The following PALB2 variants were observed in gnomAD, a reference collection of about 807,000 sequenced individuals.
The protein encoded by PALB2 is partner and localizer of BRCA2.
In PALB2, 82 loss-of-function variants were observed where a neutral mutation model predicts 107.4. The ratio of observed to expected loss-of-function variants is 0.76; its 90% CI spans 0.64 to 0.92. The LOEUF is 0.92. PALB2 is among the 40% of genes least tolerant of loss of function. The pLI is 0.00. For missense variants in PALB2, 1,374 were observed against 1,379.9 expected (o/e 1.00, Z 0.07); for synonymous variants, 489 against 496.8 (o/e 0.98, Z 0.21).
chr16:23,633,177 G>A (rs1296197949), intron 4 of PALB2, among the ~76,000 whole-genome samples: 1 of 152,114 alleles, frequency 6.6e-6, no homozygotes, highest in African/African-American at 2.4e-5. Flanking sequence ...TTGTATCCTT[G>A]TTCGCTTAAA....
intron 11 of PALB2, among the ~76,000 whole-genome samples, chr16:23,609,269 T>C (rs1450955626): frequency 6.6e-6 from 1 of 152,106 alleles, no homozygotes; most frequent in Non-Finnish European, 1.5e-5. Flanking sequence ...AAAATTAAAT[T>C]AAAATTTAGC....
chr16:23,625,345 A>G (rs1966840335), intron 7 of PALB2, among the ~76,000 whole-genome samples: 1 of 151,842 alleles, frequency 6.6e-6, no homozygotes, highest in South Asian at 2.1e-4. Context: ...AAAACAAACA[A>G]ACAAACAAAA....
At chr16:23,613,636 C>T (rs1244714834) in intron 11 of PALB2, among the ~76,000 whole-genome samples, 1 of 150,716 alleles carries the variant, frequency 6.6e-6, no homozygotes, top group African/African-American at 2.4e-5. Context: ...AAGAGCAAAA[C>T]TCCATCCCAA....
chr16:23,611,885 C>T (rs530303214), intron 11 of PALB2, among the ~76,000 whole-genome samples: 3 of 152,334 alleles, frequency 2.0e-5, no homozygotes, highest in African/African-American at 7.2e-5. Context: ...GCTGGTATTA[C>T]AGGCATGTGC....
chr16:23,614,790 AC>A (rs1349086325), intron 10 of PALB2, among the ~76,000 whole-genome samples: 1 of 148,790 alleles, frequency 6.7e-6, no homozygotes, highest in African/African-American at 2.5e-5. Flanking sequence ...AGCTGGGACT[AC>A]AGGCGCCCGC....
At chr16:23,614,542 C>T (rs1248510814) in intron 10 of PALB2, among the ~76,000 whole-genome samples, 1 of 150,930 alleles carries the variant, frequency 6.6e-6, no homozygotes, top group African/African-American at 2.4e-5. Context: ...TATACTACAA[C>T]TAGACCAAAA....
At chr16:23,634,833 T>A (rs74320059) in intron 4 of PALB2, 29 bp downstream of exon 4, 1 of 1,598,770 alleles carries the variant, frequency 6.3e-7, no homozygotes, top group South Asian at 1.1e-5. Flanking sequence ...ATCATCATCA[T>A]CATCATCATC....
rs78029288 is a variant in PALB2, at chr16:23,612,228, A to T, written c.3201+1776T>A. Among the ~76,000 whole-genome samples the T allele has an allele frequency of 3.8e-3, 571 of 152,016 alleles. 1 individual carries two copies. Among genetic ancestry groups the T allele is most frequent in the South Asian group, 0.013 (65 of 4,826 alleles). ...GTGAGTCAAGGCTTTTTATTTATTT[A>T]TTTATTTATTTTGAGACAGAGTCTT... On this transcript the variant is annotated intron_variant, in intron 11 of 12. Transcript: ENST00000261584.
At chr16:23,637,827 A>T (rs773179377) in intron 3 of PALB2, 23 bp downstream of exon 3, 1 of 1,557,550 alleles carries the variant, frequency 6.4e-7, no homozygotes, top group Admixed American at 1.7e-5. Flanking sequence ...TAAAGCAGGC[A>T]TAAGTGAATG....
intron 1 of PALB2, among the ~76,000 whole-genome samples, chr16:23,639,104 C>T (rs144257626): frequency 9.9e-5 from 15 of 152,272 alleles, no homozygotes; most frequent in Non-Finnish European, 1.9e-4. Flanking sequence ...GGCTTCTTTG[C>T]TTCAAAGGAT....
intron 6 of PALB2, among the ~76,000 whole-genome samples, chr16:23,628,411 C>A (rs1166015285): frequency 6.6e-6 from 1 of 152,114 alleles, no homozygotes; most frequent in African/African-American, 2.4e-5. Context: ...TTCCTTCACA[C>A]CAGTGATTCT....
rs773001248 is a variant in PALB2, at chr16:23,635,453, T to G, written c.1093A>C (p.Arg365=). 1 of 1,614,150 alleles carries G rather than the reference T, an allele frequency of 6.2e-7. No individual in the cohort carries two copies. The highest frequency in any genetic ancestry group is 1.1e-5 in the South Asian group (1 of 91,078). Reference sequence around the variant, plus strand: ...TCACTTTCCTGAAGATTTTCATTCCTGCCATCAAGAGTGTCACTGGGAGAT... The same window carrying G: ...TCACTTTCCTGAAGATTTTCATTCCGGCCATCAAGAGTGTCACTGGGAGAT... ...LKSPSDTLDG[R]NENLQESEIL... Residue 365 remains arginine, a synonymous_variant, in exon 4 of 13, where the codon AGG becomes CGG. Transcript: ENST00000261584.
rs143409085 is a variant in PALB2, at chr16:23,622,206, G to A, written c.2997-728C>T. On this transcript the variant is annotated intron_variant, in intron 9 of 12. Transcript: ENST00000261584. ...TCAGTTTGCAACATTTTGAATTTAA[G>A]GTGTCCCCAATACGTCTAATAAATA... is the stretch of plus-strand genomic sequence containing the variant. Among the ~76,000 whole-genome samples, 22 of 152,262 alleles carry A rather than the reference G, an allele frequency of 1.4e-4. 1 individual carries two copies. In the East Asian group the frequency reaches 4.2e-3, roughly 29 times the overall value.
chr16:23,611,329 G>C (rs765779323), intron 11 of PALB2, among the ~76,000 whole-genome samples: 15 of 151,874 alleles, frequency 9.9e-5, no homozygotes, highest in Non-Finnish European at 2.1e-4. Flanking sequence ...TTTTTTAGTA[G>C]AGACAGGGTT....
rs587782570 is a variant in PALB2 at position 23,623,033 on chromosome 16, C to CT, written c.2931dup (p.Val978SerfsTer2). The CT allele has an allele frequency of 2.5e-6, 4 of 1,614,144 alleles. No homozygotes were observed. Among genetic ancestry groups the CT allele is most frequent in the Non-Finnish European group, 3.4e-6 (4 of 1,180,026 alleles). ...TCAGAAAGGGTCCCACTGCTACTAA[C>CT]TAGCCTCCTCTTTGTCAGGCCAAGC... On this transcript the variant is annotated frameshift_variant, in exon 9 of 13. Transcript: ENST00000261584. LOFTEE classifies it high-confidence loss of function.
Position 23,634,567 on chromosome 16 carries a change from A to C in PALB2, c.1684+295T>G, listed in dbSNP as rs148247965. Among the ~76,000 whole-genome samples, 3 of 152,276 alleles carry C rather than the reference A, an allele frequency of 2.0e-5. 1 individual carries two copies. In the East Asian group the frequency reaches 5.8e-4, roughly 29 times the overall value. On this transcript the variant is annotated intron_variant, in intron 4 of 12. Coordinates refer to ENST00000261584, the MANE Select transcript of PALB2 (RefSeq NM_024675.4). ...GTTGGGAGGCTGAGGCAGGAGGAAC[A>C]TTTGAGCCCAGGAGATAGAGGCTGC...
At chr16:23,632,538 CAT>C (rs1966889682) in intron 4 of PALB2, among the ~76,000 whole-genome samples, 1 of 151,990 alleles carries the variant, frequency 6.6e-6, no homozygotes, top group African/African-American at 2.4e-5. Context: ...CAGGTAAATC[CAT>C]AGAGATAGAA....
At chr16:23,633,487 A>C (rs776708361) in intron 4 of PALB2, among the ~76,000 whole-genome samples, 1 of 152,220 alleles carries the variant, frequency 6.6e-6, no homozygotes, top group East Asian at 1.9e-4. Context: ...TAGAGCCACA[A>C]TGAATTACCC....
chr16:23,623,810 C>T (rs867596575), intron 8 of PALB2, 199 bp downstream of exon 8: 27 of 569,508 alleles, frequency 4.7e-5, no homozygotes, highest in African/African-American at 1.5e-4. Flanking sequence ...TGAGCCACTG[C>T]GCCCAGCCTA....
Sources: gnomAD v4.1 joint callset for allele counts (sites outside exome capture counted in the v4.1 genomes callset) on GRCh38, gnomAD v4.1.1 for gene constraint, MANE v1.5 for transcripts, NCBI Gene and HGNC (gene_info 2026-07-23, HGNC 2026-07-21) for gene names.